Variants in MAML2 observed in about 807,000 individuals in gnomAD.
MAML2 encodes mastermind-like protein 2.
A neutral mutation model predicts 96.1 loss-of-function variants in MAML2; 22 were observed. The observed-to-expected ratio is 0.23, with a 90% CI of 0.16 to 0.33. The LOEUF (loss-of-function observed/expected upper bound fraction) is 0.33. Ranked by LOEUF, MAML2 falls within the 10% of genes least tolerant of loss-of-function variation. The probability of loss-of-function intolerance (pLI) is 1.00; values close to 1 mark genes in which losing one functional copy is unlikely to be tolerated. For synonymous variants in MAML2, 561 were observed against 521.3 expected (o/e 1.08, Z -1.04); for missense variants, 1,367 against 1,392.4 (o/e 0.98, Z 0.29).
intron 1 of MAML2, among the ~76,000 whole-genome samples, chr11:96,254,352 C>A (rs1195791790): frequency 2.0e-5 from 3 of 151,330 alleles, no homozygotes; most frequent in Non-Finnish European, 4.4e-5. Flanking sequence ...GTGGAAGAAC[C>A]TCAGGGGCGA....
chr11:96,261,353 A>C (rs2135973471), intron 1 of MAML2, among the ~76,000 whole-genome samples: 1 of 152,254 alleles, frequency 6.6e-6, no homozygotes, highest in Non-Finnish European at 1.5e-5. Context: ...CATAACTGTA[A>C]GAAATAAATT....
chr11:96,015,162 C>T (rs1257674085), intron 2 of MAML2, among the ~76,000 whole-genome samples: 1 of 152,130 alleles, frequency 6.6e-6, no homozygotes, highest in East Asian at 1.9e-4. Context: ...AGAAATAATA[C>T]AAAACTAAGG....
chr11:96,003,303 G>A (rs1219777087), intron 2 of MAML2, among the ~76,000 whole-genome samples: 1 of 152,040 alleles, frequency 6.6e-6, no homozygotes, highest in Non-Finnish European at 1.5e-5. Flanking sequence ...CTCATTTTTT[G>A]AAAGATAAAT....
chr11:96,144,243 T>C (rs956630230), intron 1 of MAML2, among the ~76,000 whole-genome samples: 1 of 152,194 alleles, frequency 6.6e-6, no homozygotes, highest in Non-Finnish European at 1.5e-5. Flanking sequence ...GTAACATTAA[T>C]TAGAGTCTCA....
At chr11:96,211,250 GTTAA>G (rs1861966617) in intron 1 of MAML2, among the ~76,000 whole-genome samples, 1 of 152,138 alleles carries the variant, frequency 6.6e-6, no homozygotes, top group Admixed American at 6.5e-5. Context: ...GACACTCTTT[GTTAA>G]TTAGTTTATG....
chr11:96,271,518 T>C (rs954295169), intron 1 of MAML2, among the ~76,000 whole-genome samples: 10 of 152,202 alleles, frequency 6.6e-5, no homozygotes, highest in African/African-American at 2.4e-4. Flanking sequence ...AATTGAATCA[T>C]GGGAGCAGTT....
chr11:96,159,258 A>G (rs1402565543), intron 1 of MAML2, among the ~76,000 whole-genome samples: 1 of 152,138 alleles, frequency 6.6e-6, no homozygotes, highest in East Asian at 1.9e-4. Flanking sequence ...CTTGCCATCC[A>G]CTGTTGGATG....
Position 95,991,644 on chromosome 11 carries a change from C to A in MAML2, c.2219G>T (p.Gly740Val). Residue 740 changes from glycine to valine, a missense_variant, in exon 3 of 5, where the codon GGT becomes GTT. Physicochemically the swap from Gly to Val is moderately radical, Grantham distance 109. Transcript: ENST00000524717. ...NPCSNPNTGSGYMNSQQSLLN... is the reference protein window; with the variant it reads ...NPCSNPNTGSVYMNSQQSLLN... The stretch of plus-strand genomic sequence containing the variant: ...CAGTGATTGCTGGGAGTTCATGTAA[C>A]CACTTCCAGTGTTTGGATTTGAGCA... 2 of 1,613,720 alleles carry A rather than the reference C, an allele frequency of 1.2e-6. No homozygotes were observed. Among genetic ancestry groups the A allele is most frequent in the Non-Finnish European group, 1.7e-6 (2 of 1,179,728 alleles).
rs145403378 is a variant in MAML2, at chr11:96,312,566, C to T, written c.513+28817G>A. On this transcript the variant is annotated intron_variant, in intron 1 of 4. Transcript: ENST00000524717. The stretch of plus-strand genomic sequence containing the variant: ...CACTCTTTAAGTAAGCAAATTTGAA[C>T]AATAGTTGTTTGACAATATGCTAAA... Among the ~76,000 whole-genome samples, 5 of 152,218 alleles carry T rather than the reference C, an allele frequency of 3.3e-5. No homozygotes were observed. The East Asian group carries it at 9.6e-4, about 29-fold the overall frequency.
rs961285912 is a variant in MAML2 at position 96,281,090 on chromosome 11, A to G, written c.513+60293T>C. ...TGCATTATTTGCAAGTTTTCAAATC[A>G]TGTGTACTTAAGAATTTTCTTTTAA... On this transcript the variant is annotated intron_variant, in intron 1 of 4. Coordinates refer to ENST00000524717, the MANE Select transcript of MAML2 (RefSeq NM_032427.4). Among the ~76,000 whole-genome samples the G allele has an allele frequency of 2.2e-4, 33 of 152,338 alleles. 1 individual carries two copies. The highest frequency in any genetic ancestry group is 7.7e-4 in the African/African-American group (32 of 41,572).
intron 1 of MAML2, among the ~76,000 whole-genome samples, chr11:96,096,175 C>T (rs944546823): frequency 6.6e-6 from 1 of 152,226 alleles, no homozygotes; most frequent in Non-Finnish European, 1.5e-5. Flanking sequence ...TTATTTTCCA[C>T]TGCTTTGAAA....
At position 96,341,869 on chromosome 11, in the gene MAML2, G is replaced by A; in HGVS notation, c.27C>T (p.Ala9=). ...AGGCCCCCCCTAGCCCTCCTGCGGG[G>A]GCCTGCGGGGGCGCTGTGTCCCCCA... The part of the protein sequence containing the change: MGDTAPPQ[A]PAGGLGGASG... Residue 9 remains alanine, a synonymous_variant, in exon 1 of 5, where the codon GCC becomes GCT. Transcript: ENST00000524717. 1 of 1,538,132 alleles carries A rather than the reference G, an allele frequency of 6.5e-7. No homozygotes were observed. Among genetic ancestry groups the A allele is most frequent in the Non-Finnish European group, 8.7e-7 (1 of 1,145,786 alleles).
At chr11:96,116,769 T>C (rs1860250375) in intron 1 of MAML2, among the ~76,000 whole-genome samples, 1 of 152,220 alleles carries the variant, frequency 6.6e-6, no homozygotes, top group Admixed American at 6.5e-5. Context: ...AGAGTGAGGA[T>C]TTCAACTTTT....
At chr11:96,235,375 A>T (rs1862353557) in intron 1 of MAML2, among the ~76,000 whole-genome samples, 1 of 152,310 alleles carries the variant, frequency 6.6e-6, no homozygotes, top group African/African-American at 2.4e-5. Context: ...AGCTGCCAAT[A>T]GTCATATGGT....
intron 1 of MAML2, among the ~76,000 whole-genome samples, chr11:96,320,204 T>C (rs761608327): frequency 6.6e-6 from 1 of 152,206 alleles, no homozygotes; most frequent in Non-Finnish European, 1.5e-5. Context: ...TGGAATGAAC[T>C]CCTTGTTATA....
At chr11:96,157,641 T>A (rs1415291503) in intron 1 of MAML2, among the ~76,000 whole-genome samples, 1 of 152,272 alleles carries the variant, frequency 6.6e-6, no homozygotes, top group Admixed American at 6.5e-5. Flanking sequence ...AAGGGTATTT[T>A]ACTTATCTGT....
chr11:96,119,820 ATTTAAATAT>A (rs1860304415), intron 1 of MAML2, among the ~76,000 whole-genome samples: 1 of 152,136 alleles, frequency 6.6e-6, no homozygotes, highest in South Asian at 2.1e-4. Context: ...AATTTTATTT[ATTTAAATAT>A]TAATTGTAGC....
chr11:95,979,183 G>A lies in MAML2; in HGVS notation c.3236C>T (p.Pro1079Leu), dbSNP rs1330827055. ...LNQSRTGINQ[P>L]PSLTPSNFPS... ...AAAATTGCTGGGCGTCAGGGATGGT[G>A]GCTGGTTGATGCCCGTCCTCGACTG... The change falls in exon 5 of 5, where the codon CCA becomes CTA. Residue 1079 changes from proline to leucine, a missense_variant. Physicochemically the swap from Pro to Leu is moderately conservative, Grantham distance 98 (BLOSUM62 -3). Coordinates refer to ENST00000524717, the MANE Select transcript of MAML2 (RefSeq NM_032427.4). The A allele has an allele frequency of 5.0e-6, 8 of 1,613,980 alleles. No homozygotes were observed. The highest frequency in any genetic ancestry group is 6.8e-6 in the Non-Finnish European group (8 of 1,179,890).
At chr11:96,109,616 C>G (rs564800942) in intron 1 of MAML2, among the ~76,000 whole-genome samples, 1 of 152,076 alleles carries the variant, frequency 6.6e-6, no homozygotes, top group African/African-American at 2.4e-5. Flanking sequence ...GGAATTAGGA[C>G]TAAATACAAA....
Sources: allele counts gnomAD v4.1 joint callset (sites outside exome capture counted in the v4.1 genomes callset), GRCh38; gene constraint gnomAD v4.1.1; transcripts MANE v1.5; gene names NCBI Gene and HGNC (gene_info 2026-07-23, HGNC 2026-07-21).